The following TMF1 variants were observed in gnomAD, a reference collection of about 807,000 sequenced individuals.
The protein encoded by TMF1 is TATA element modulatory factor.
Under a neutral mutation model 126.5 loss-of-function variants are expected in TMF1, and 71 were observed. The ratio of observed to expected loss-of-function variants is 0.56; its 90% CI spans 0.46 to 0.68. TMF1 has a LOEUF of 0.68. TMF1 is among the 30% of genes least tolerant of loss of function. The pLI, the probability that TMF1 is intolerant of heterozygous loss-of-function variation, is 0.00. For synonymous variants in TMF1, 461 were observed against 430.5 expected (o/e 1.07, Z -0.88); for missense variants, 1,259 against 1,253.2 (o/e 1.00, Z -0.07).
chr3:69,038,534 A>C, intron 8 of TMF1, 30 bp downstream of exon 8: 1 of 1,599,576 alleles, frequency 6.3e-7, no homozygotes, highest in East Asian at 2.2e-5. Context: ...ATATTTTTAA[A>C]ACTACTCTAA....
chr3:69,048,441 A>C lies in TMF1; in HGVS notation c.264T>G (p.Thr88=). Residue 88 remains threonine, a synonymous_variant, in exon 2 of 17, where the codon ACT becomes ACG. Transcript: ENST00000398559. ...AGAAATTTTCAGATTCATCGACCAC[A>C]GTCCTCCGAACTGGCTTTGTGATTG... The part of the protein sequence containing the change: ...PKAITKPVRR[T]VVDESENFFS... 4 of 1,614,176 alleles carry C rather than the reference A, an allele frequency of 2.5e-6. No individual in the cohort carries two copies. Among genetic ancestry groups the C allele is most frequent in the Non-Finnish European group, 3.4e-6 (4 of 1,180,028 alleles).
In TMF1 at chr3:69,042,859, A is replaced by C. The variant is rs759684968; in HGVS notation, c.1632T>G (p.Thr544=). The C allele has an allele frequency of 1.9e-6, 3 of 1,613,706 alleles. No individual in the cohort carries two copies. The highest frequency in any genetic ancestry group is 2.5e-6 in the Non-Finnish European group (3 of 1,179,888). Reference sequence around the variant, plus strand: ...CATCTTTCTCTTTCAAAAGGTCTGCAGTTTCACTACTATTTAATCTAGTGG... The same window carrying C: ...CATCTTTCTCTTTCAAAAGGTCTGCCGTTTCACTACTATTTAATCTAGTGG... ...ELATRLNSSE[T]ADLLKEKDEQ... Residue 544 remains threonine, a synonymous_variant, in exon 5 of 17, where the codon ACT becomes ACG. Coordinates refer to ENST00000398559, the MANE Select transcript of TMF1 (RefSeq NM_007114.3).
intron 2 of TMF1, among the ~76,000 whole-genome samples, chr3:69,046,583 C>T (rs1559635154): frequency 6.6e-6 from 1 of 152,160 alleles, no homozygotes; most frequent in Non-Finnish European, 1.5e-5. Context: ...TCCTACATCT[C>T]AGAAGTCTAT....
At chr3:69,038,127 A>G (rs76969854) in intron 8 of TMF1, among the ~76,000 whole-genome samples, 629 of 152,348 alleles carry the variant, frequency 4.1e-3, no homozygotes, top group Non-Finnish European at 7.0e-3. Flanking sequence ...TAATAACCAC[A>G]AAGTATAAAT....
intron 11 of TMF1, among the ~76,000 whole-genome samples, 155 bp downstream of exon 11, chr3:69,029,657 TCTC>T (rs1192686168): frequency 6.6e-6 from 1 of 152,090 alleles, no homozygotes; most frequent in Admixed American, 6.5e-5. Context: ...GCCAGGCTGG[TCTC>T]CACCTCCTGA....
intron 6 of TMF1, 90 bp downstream of exon 6, chr3:69,039,461 A>T: frequency 1.4e-6 from 2 of 1,386,390 alleles, no homozygotes; most frequent in Non-Finnish European, 9.7e-7. Flanking sequence ...ATACCCCATT[A>T]AATCTTTTCA....
chr3:69,032,936 A>G (rs531540554), intron 10 of TMF1, among the ~76,000 whole-genome samples: 1 of 152,190 alleles, frequency 6.6e-6, no homozygotes, highest in Non-Finnish European at 1.5e-5. Context: ...AAGACTCCCT[A>G]GTATGTCTCT....
At position 69,052,106 on chromosome 3, in the gene TMF1, G is replaced by A. The variant is rs2091934638; in HGVS notation, c.-20C>T. On this transcript the variant is annotated 5_prime_UTR_variant, in exon 1 of 17. Coordinates refer to ENST00000398559, the MANE Select transcript of TMF1 (RefSeq NM_007114.3). ...ACTCATCGCCCCTCCTCAGCCGGCA[G>A]TGGCGGCGGCAGCACCAAGCGGGAA... is the stretch of plus-strand genomic sequence containing the variant. The A allele has an allele frequency of 6.2e-7, 1 of 1,600,912 alleles. No individual in the cohort carries two copies. The highest frequency in any genetic ancestry group is 8.5e-7 in the Non-Finnish European group (1 of 1,174,992).
intron 10 of TMF1, chr3:69,030,523 T>C (rs750815472): frequency 6.6e-6 from 1 of 152,192 alleles, no homozygotes; most frequent in Non-Finnish European, 1.5e-5. Flanking sequence ...GTGAAGAGGA[T>C]GAAAAGGCAA....
At chr3:69,046,750 TTC>T (rs1419376353) in intron 2 of TMF1, among the ~76,000 whole-genome samples, 2 of 152,170 alleles carry the variant, frequency 1.3e-5, no homozygotes, top group African/African-American at 4.8e-5. Flanking sequence ...CCTTAGACAT[TTC>T]TCTTTCTCGT....
rs754532270 is a variant in TMF1, at chr3:69,048,234, C to T, written c.471G>A (p.Leu157=). 109 of 1,614,066 alleles carry T rather than the reference C, an allele frequency of 6.8e-5. No individual in the cohort carries two copies. Among genetic ancestry groups the T allele is most frequent in the Non-Finnish European group, 8.6e-5 (102 of 1,180,044 alleles). ...TTESQVKDSS[L]CVSGETLAAG... is the part of the protein sequence containing the mutation. ...CTGCCAGAGTTTCCCCTGAAACACA[C>T]AAAGAAGAGTCTTTTACTTGTGATT... Residue 157 remains leucine (L), a synonymous_variant, in exon 2 of 17, where the codon TTG becomes TTA. Coordinates refer to ENST00000398559, the MANE Select transcript of TMF1 (RefSeq NM_007114.3).
intron 8 of TMF1, among the ~76,000 whole-genome samples, chr3:69,037,270 G>A (rs544122797): frequency 3.0e-4 from 45 of 152,260 alleles, no homozygotes; most frequent in Non-Finnish European, 4.3e-4. Context: ...CAAGGCAGGC[G>A]GATCACGAGG....
Position 69,030,062 on chromosome 3 carries a change from T to C in TMF1, c.2402-55A>G, listed in dbSNP as rs114833972. 210 of 1,461,596 alleles carry C rather than the reference T, an allele frequency of 1.4e-4. 3 individuals are homozygous for C. In the African/African-American group the frequency reaches 2.4e-3, roughly 17 times the overall value. 90.5% of individuals were successfully genotyped at this position (1,461,596 alleles called of 1,614,324 possible). A position where few individuals can be genotyped will look rare whatever the true frequency, so the allele number is the denominator to read the frequency against. ...TACACATACAGCCCAGAGACCAAAA[T>C]ACCAAGTCAATTCTGATTTCAAACA... On this transcript the variant is annotated intron_variant, in intron 10 of 16. Transcript: ENST00000398559.
At chr3:69,029,556 T>C (rs1270116168) in intron 11 of TMF1, among the ~76,000 whole-genome samples, 2 of 152,012 alleles carry the variant, frequency 1.3e-5, no homozygotes, top group African/African-American at 4.8e-5. Flanking sequence ...GCGATTCTCA[T>C]GCCTCAGCCT....
chr3:69,035,018 A>G lies in TMF1; in HGVS notation c.2244+5T>C, dbSNP rs1235894514. 4 of 1,612,638 alleles carry G rather than the reference A, an allele frequency of 2.5e-6. No individual in the cohort carries two copies. Among genetic ancestry groups the G allele is most frequent in the African/African-American group, 2.7e-5 (2 of 74,904 alleles). On this transcript the variant is annotated splice_donor_5th_base_variant and intron_variant, in intron 9 of 16. Coordinates refer to ENST00000398559, the MANE Select transcript of TMF1 (RefSeq NM_007114.3). ...GATTTGTGTTTTGGAAACCTGTGAC[A>G]GTACCTGCTGAAGTTCACCGATCTC...
At chr3:69,041,363 T>A (rs2091863970) in intron 5 of TMF1, among the ~76,000 whole-genome samples, 1 of 152,208 alleles carries the variant, frequency 6.6e-6, no homozygotes, top group Non-Finnish European at 1.5e-5. Context: ...CTTATTATTG[T>A]ATCAAACATA....
chr3:69,033,082 G>GA (rs904976825), intron 10 of TMF1, among the ~76,000 whole-genome samples: 18 of 150,612 alleles, frequency 1.2e-4, no homozygotes, highest in Admixed American at 9.9e-4. Flanking sequence ...CAATGGACAA[G>GA]AAAAAAAAAT....
At chr3:69,025,749 T>G in intron 14 of TMF1, 37 bp from the exon 15 acceptor site, 1 of 1,582,532 alleles carries the variant, frequency 6.3e-7, no homozygotes, top group Non-Finnish European at 8.6e-7. Context: ...GTTACTCAGT[T>G]ATCATAGCTT....
Position 69,029,900 on chromosome 3 carries a change from G to A in TMF1, c.2509C>T (p.Leu837Phe). The A allele has an allele frequency of 6.2e-7, 1 of 1,614,072 alleles. No individual in the cohort carries two copies. The highest frequency in any genetic ancestry group is 8.5e-7 in the Non-Finnish European group (1 of 1,180,000). ...QMSSMESQNS[L>F]LRQENSRFQA... The stretch of plus-strand genomic sequence containing the variant: ...AATCTACTGTTTTCCTGTCTTAAAA[G>A]AGAATTCTGTGACTCCATGGAAGAC... Residue 837 changes from leucine to phenylalanine, a missense_variant, in exon 11 of 17, where the codon CTT (leucine) becomes TTT (phenylalanine). By Grantham distance (22) the Leu-to-Phe change is conservative. Coordinates refer to ENST00000398559, the MANE Select transcript of TMF1 (RefSeq NM_007114.3).
Sources: gnomAD v4.1 joint callset for allele counts (sites outside exome capture counted in the v4.1 genomes callset) on GRCh38, gnomAD v4.1.1 for gene constraint, MANE v1.5 for transcripts, NCBI Gene and HGNC (gene_info 2026-07-23, HGNC 2026-07-21) for gene names.